The following RYR2 variants were observed in gnomAD, a reference collection of about 807,000 sequenced individuals.
RYR2 encodes ryanodine receptor 2.
A neutral mutation model predicts 601.1 loss-of-function variants in RYR2; 227 were observed. The observed-to-expected ratio is 0.38, with a 90% CI of 0.34 to 0.42. The LOEUF (loss-of-function observed/expected upper bound fraction) is 0.42, where lower values mean the gene tolerates loss of function less well. RYR2 is among the 10% of genes least tolerant of loss of function. The probability of loss-of-function intolerance (pLI) is 1.00; values close to 1 mark genes in which losing one functional copy is unlikely to be tolerated. For missense variants in RYR2, 4,646 were observed against 6,156.5 expected, an observed-to-expected ratio of 0.75 and a Z score of 8.21; for synonymous variants, 2,223 against 2,175.1, an observed-to-expected ratio of 1.02 and a Z score of -0.61.
chr1:237,240,665 CAAA>C (rs35984919), intron 1 of RYR2, among the ~76,000 whole-genome samples: 7 of 55,162 alleles, frequency 1.3e-4, no homozygotes, highest in South Asian at 1.2e-3. Context: ...CTATAAAAGC[CAAA>C]AAAAAAAAAA....
At chr1:237,282,068 AGCCTG>A (rs1690947138) in intron 2 of RYR2, among the ~76,000 whole-genome samples, 1 of 152,198 alleles carries the variant, frequency 6.6e-6, no homozygotes, top group Non-Finnish European at 1.5e-5. Context: ...CACTGTTAGA[AGCCTG>A]GCTATAAAGT....
intron 56 of RYR2, among the ~76,000 whole-genome samples, chr1:237,662,156 T>C (rs964662477): frequency 3.9e-5 from 6 of 152,186 alleles, no homozygotes; most frequent in African/African-American, 1.4e-4. Flanking sequence ...AATTTTAATT[T>C]TAAATAAATT....
At chr1:237,260,769 G>A (rs939531949) in intron 1 of RYR2, among the ~76,000 whole-genome samples, 3 of 152,246 alleles carry the variant, frequency 2.0e-5, no homozygotes, top group Middle Eastern at 3.4e-3. Context: ...TTTAGAAAAT[G>A]TTGTCTATAC....
At chr1:237,375,304 T>G (rs1700934175) in intron 7 of RYR2, among the ~76,000 whole-genome samples, 1 of 152,250 alleles carries the variant, frequency 6.6e-6, no homozygotes, top group South Asian at 2.1e-4. Context: ...ACACTTTTTT[T>G]TGGAGAATCA....
chr1:237,765,318 A>AT (rs5781989), intron 84 of RYR2, among the ~76,000 whole-genome samples: 181 of 149,728 alleles, frequency 1.2e-3, no homozygotes, highest in Admixed American at 2.5e-3. Context: ...AAGATACTGA[A>AT]TTTTTTTTTT....
chr1:237,744,773 A>G (rs1691928627), intron 80 of RYR2, among the ~76,000 whole-genome samples: 1 of 149,292 alleles, frequency 6.7e-6, no homozygotes, highest in African/African-American at 2.4e-5. Flanking sequence ...GACTGTCTTG[A>G]AGAAACTATT....
At chr1:237,407,609 GTTTTTTTTTT>G (rs35247530) in intron 10 of RYR2, among the ~76,000 whole-genome samples, 1 of 118,884 alleles carries the variant, frequency 8.4e-6, no homozygotes, top group South Asian at 2.5e-4. Context: ...AATTGTGGTT[GTTTTTTTTTT>G]TTTTTTTTTT....
intron 2 of RYR2, among the ~76,000 whole-genome samples, chr1:237,296,813 C>T (rs936738265): frequency 1.3e-5 from 2 of 152,198 alleles, no homozygotes; most frequent in African/African-American, 4.8e-5. Flanking sequence ...GGAGAATGAC[C>T]TGCAAAGCAG....
chr1:237,340,305 G>A (rs1390308196), intron 3 of RYR2, among the ~76,000 whole-genome samples: 1 of 152,154 alleles, frequency 6.6e-6, no homozygotes, highest in African/African-American at 2.4e-5. Context: ...AAAATAGATT[G>A]AGTTGCTTTT....
At chr1:237,502,918 G>T (rs1450961733) in intron 21 of RYR2, among the ~76,000 whole-genome samples, 1 of 151,874 alleles carries the variant, frequency 6.6e-6, no homozygotes, top group East Asian at 1.9e-4. Flanking sequence ...TAGATATTTA[G>T]ATCAGGTCTT....
At position 237,589,816 on chromosome 1, in the gene RYR2, G is replaced by A. The variant is rs770286824; in HGVS notation, c.3622G>A (p.Gly1208Arg). 2.5e-6 allele frequency: 4 copies of A among 1,613,616 alleles called. No homozygotes were observed. The East Asian group carries it at 8.9e-5, about 36-fold the overall frequency. Residue 1208 changes from glycine (G) to arginine (R), a missense_variant, in exon 30 of 105, where the codon GGA (glycine) becomes AGA (arginine). Around this residue, in one of 17 missense-constraint regions of RYR2, gnomAD observed 1,807 missense variants for 2,088.1 expected, o/e 0.87. Coordinates refer to ENST00000366574, the MANE Select transcript of RYR2 (RefSeq NM_001035.3). ...GDGFIPVCSL[G>R]VAQVGRMNFG... Reference sequence around the variant, plus strand: ...AGGATTCATACCTGTGTGTAGCCTTGGAGTGGCTCAAGTGGGTAGGATGAA... The same window carrying A: ...AGGATTCATACCTGTGTGTAGCCTTAGAGTGGCTCAAGTGGGTAGGATGAA...
At chr1:237,333,320 T>C (rs1696931448) in intron 3 of RYR2, among the ~76,000 whole-genome samples, 1 of 152,202 alleles carries the variant, frequency 6.6e-6, no homozygotes, top group South Asian at 2.1e-4. Context: ...AAAATGAAAG[T>C]TTCTCTCATA....
chr1:237,132,444 T>C (rs1672265040), intron 1 of RYR2, among the ~76,000 whole-genome samples: 1 of 152,216 alleles, frequency 6.6e-6, no homozygotes, highest in African/African-American at 2.4e-5. Flanking sequence ...AGATAGTAAA[T>C]GTTGATGGCT....
chr1:237,645,863 C>A, intron 48 of RYR2, among the ~76,000 whole-genome samples: 1 of 149,648 alleles, frequency 6.7e-6, no homozygotes. Flanking sequence ...TTTGTTAGAT[C>A]TCTGCTTTTT....
intron 1 of RYR2, among the ~76,000 whole-genome samples, chr1:237,149,562 A>G (rs1674471840): frequency 6.6e-6 from 1 of 151,996 alleles, no homozygotes; most frequent in East Asian, 1.9e-4. Context: ...GGGGAAGAAT[A>G]CAAGACAGTA....
chr1:237,809,493 T>C (rs745751422), intron 100 of RYR2, among the ~76,000 whole-genome samples: 41 of 152,216 alleles, frequency 2.7e-4, no homozygotes, highest in Non-Finnish European at 1.0e-4. Flanking sequence ...TTTTTGGTCT[T>C]GGTTTTCAAA....
At chr1:237,268,268 G>C (rs1330397525) in intron 1 of RYR2, among the ~76,000 whole-genome samples, 6 of 152,144 alleles carry the variant, frequency 3.9e-5, no homozygotes, top group Non-Finnish European at 8.8e-5. Flanking sequence ...TAGTTCCATA[G>C]GGTAGGTGAG....
chr1:237,644,758 G>T (rs570695387), intron 48 of RYR2, among the ~76,000 whole-genome samples: 6 of 151,974 alleles, frequency 3.9e-5, no homozygotes, highest in Admixed American at 3.3e-4. Flanking sequence ...GGGGCCAGGC[G>T]TAGTGGCTCA....
At chr1:237,491,582 G>C (rs1305451951) in intron 17 of RYR2, among the ~76,000 whole-genome samples, 1 of 152,156 alleles carries the variant, frequency 6.6e-6, no homozygotes, top group Non-Finnish European at 1.5e-5. Context: ...CCACGTCTCA[G>C]TTGTTTGCCT....
Sources: allele counts gnomAD v4.1 joint callset (sites outside exome capture counted in the v4.1 genomes callset), GRCh38; gene constraint gnomAD v4.1.1; regional missense constraint gnomAD v4.1.1; transcripts MANE v1.5; gene names NCBI Gene and HGNC (gene_info 2026-07-23, HGNC 2026-07-21).